BLTP2: variants seen among roughly 807,000 people sequenced by gnomAD.
BLTP2 encodes the protein U937-associated antigen.
At chr17:28,619,033 T>C in the BLTP2 span, 3 of 1,284,854 alleles carry the variant, frequency 2.3e-6, no homozygotes, top group African/African-American at 1.5e-5. Flanking sequence ...GGGGGTGGGA[T>C]AGAATGCTCT....
the BLTP2 span, chr17:28,639,182 G>A: frequency 2.4e-5 from 20 of 847,330 alleles, no homozygotes; most frequent in Non-Finnish European, 3.9e-5. Flanking sequence ...ATATAAAACA[G>A]GATTGCTGTT....
At chr17:28,635,108 C>T in the BLTP2 span, 1 of 1,613,372 alleles carries the variant, frequency 6.2e-7, no homozygotes, top group Admixed American at 1.7e-5. Flanking sequence ...TAAGGAAACT[C>T]CACCGAGACT....
the BLTP2 span, among the ~76,000 whole-genome samples, chr17:28,622,912 T>C: frequency 6.6e-6 from 1 of 151,898 alleles, no homozygotes; most frequent in Non-Finnish European, 1.5e-5. Context: ...CTGTCTCTAC[T>C]AAAAATACAA....
chr17:28,617,387 T>C, the BLTP2 span: 28 of 1,198,794 alleles, frequency 2.3e-5, 1 homozygote, highest in South Asian at 3.5e-4. Context: ...ACAATTGTTA[T>C]GTATCCAGTT....
the BLTP2 span, chr17:28,621,181 G>C: frequency 6.2e-7 from 1 of 1,611,558 alleles, no homozygotes; most frequent in Non-Finnish European, 8.5e-7. Flanking sequence ...CTGGGAAGAG[G>C]TGGGAAAGAG....
chr17:28,639,650 A>T, the BLTP2 span: 1 of 1,613,668 alleles, frequency 6.2e-7, no homozygotes, highest in South Asian at 1.1e-5. Flanking sequence ...CATCTGTAAG[A>T]GGCCAGAGGA....
At chr17:28,643,403 G>A in the BLTP2 span, 1 of 1,523,478 alleles carries the variant, frequency 6.6e-7, no homozygotes, top group Non-Finnish European at 9.1e-7. Context: ...ATCCTTCCTA[G>A]AAATATAGCT....
the BLTP2 span, among the ~76,000 whole-genome samples, chr17:28,622,091 A>T: frequency 2.0e-5 from 3 of 151,928 alleles, no homozygotes; most frequent in Non-Finnish European, 4.4e-5. Context: ...TCGCAGCCTG[A>T]GGGGGGCGGG....
chr17:28,615,404 A>C, the BLTP2 span, among the ~76,000 whole-genome samples: 1 of 152,274 alleles, frequency 6.6e-6, no homozygotes, highest in Non-Finnish European at 1.5e-5. Context: ...CTTACAGTCT[A>C]ATTATAACCC....
the BLTP2 span, chr17:28,631,658 T>G: frequency 6.2e-7 from 1 of 1,613,990 alleles, no homozygotes; most frequent in Non-Finnish European, 8.5e-7. Flanking sequence ...CAATCAGAGA[T>G]AAGGCGCCGC....
chr17:28,615,079 A>G, the BLTP2 span: 16 of 1,613,688 alleles, frequency 9.9e-6, no homozygotes, highest in Non-Finnish European at 1.4e-5. Context: ...TGCGCCTGCC[A>G]AAGATGGACT....
the BLTP2 span, chr17:28,616,970 C>T: frequency 6.2e-6 from 10 of 1,613,712 alleles, no homozygotes; most frequent in South Asian, 1.1e-4. The surrounding 1 kb of genome is among the most constrained non-coding windows in gnomAD (Gnocchi z 4.8). Flanking sequence ...GTCGCCCAGA[C>T]TGGCAGGAGC....
At chr17:28,620,539 G>A in the BLTP2 span, 3 of 1,614,196 alleles carry the variant, frequency 1.9e-6, no homozygotes, top group Non-Finnish European at 1.7e-6. Context: ...GGAGCAGCAG[G>A]TTGTTGACAA....
the BLTP2 span, chr17:28,619,861 T>A: frequency 6.2e-7 from 1 of 1,613,916 alleles, no homozygotes; most frequent in Non-Finnish European, 8.5e-7. Flanking sequence ...AGTGACTACC[T>A]TCATGATAGA....
the BLTP2 span, among the ~76,000 whole-genome samples, chr17:28,644,549 C>G: frequency 6.6e-6 from 1 of 152,206 alleles, no homozygotes; most frequent in Non-Finnish European, 1.5e-5. Context: ...TGTCTGTCTC[C>G]TGCTCCCACC....
the BLTP2 span, among the ~76,000 whole-genome samples, chr17:28,632,711 G>A: frequency 1.3e-5 from 2 of 152,032 alleles, no homozygotes; most frequent in Non-Finnish European, 2.9e-5. Context: ...AGAGATAAAC[G>A]CTTGTTGTTT....
At chr17:28,639,135 A>G in the BLTP2 span, 1 of 653,276 alleles carries the variant, frequency 1.5e-6, no homozygotes. Context: ...AGAGGACAGC[A>G]TTCTGCTATC....
the BLTP2 span, chr17:28,634,993 G>C: frequency 6.2e-7 from 1 of 1,613,246 alleles, no homozygotes; most frequent in Non-Finnish European, 8.5e-7. Context: ...AGGTGGGAGT[G>C]GGACAGGGCT....
the BLTP2 span, chr17:28,633,818 G>T: frequency 1.1e-5 from 18 of 1,601,120 alleles, no homozygotes; most frequent in Admixed American, 3.0e-4. Context: ...CTTCACTCCA[G>T]AAGGGTCTCA....
Sources: allele counts gnomAD v4.1 joint callset (sites outside exome capture counted in the v4.1 genomes callset), GRCh38; gene constraint gnomAD v4.1.1; non-coding constraint Gnocchi (gnomAD v3.1); transcripts MANE v1.5; gene names NCBI Gene and HGNC (gene_info 2026-07-23, HGNC 2026-07-21).